USO1: variants seen among roughly 807,000 people sequenced by gnomAD.
USO1 encodes the protein USO1 vesicle transport factor, also known as general vesicular transport factor p115.
A neutral mutation model predicts 124.5 loss-of-function variants in USO1; 57 were observed. That is an observed-to-expected ratio of 0.46 (90% CI 0.37 to 0.57). The LOEUF is 0.57. Among genes scored for constraint, USO1 ranks in the 20% least tolerant of loss-of-function variants. The pLI, the probability that USO1 is intolerant of heterozygous loss-of-function variation, is 0.00. For missense variants in USO1, 900 were observed against 1,040.6 expected (o/e 0.86, Z 1.86); for synonymous variants, 369 against 362.8 (o/e 1.02, Z -0.19).
chr4:75,751,212 T>G (rs1721290042), intron 1 of USO1, among the ~76,000 whole-genome samples: 1 of 150,428 alleles, frequency 6.6e-6, no homozygotes, highest in African/African-American at 2.4e-5. Context: ...TATTTTATTT[T>G]TATTTATTTA....
At position 75,813,574 on chromosome 4, in the gene USO1, T is replaced by C. The variant is rs13131442; in HGVS notation, c.*279T>C. 4,316 of 233,680 alleles carry C rather than the reference T, an allele frequency of 0.018. 51 individuals carry two copies. Among genetic ancestry groups the C allele is most frequent in the Non-Finnish European group, 0.026 (3,251 of 122,974 alleles). The allele number at this position is 233,680 out of a possible 1,614,324, so 14.5% of individuals were successfully genotyped here. ...CAAAAATATACCATTTTAAGGCATG[T>C]GGTGACAATGCTATTTGCCTTAGTT... On this transcript the variant is annotated 3_prime_UTR_variant, in exon 24 of 24. Transcript: ENST00000514213.
chr4:75,812,972 G>A (rs1009625315), intron 23 of USO1, among the ~76,000 whole-genome samples: 2 of 151,974 alleles, frequency 1.3e-5, no homozygotes, highest in African/African-American at 4.8e-5. Flanking sequence ...TTAGCAGGGC[G>A]CTTGGTGGCA....
rs1723117049 is a variant in USO1 at position 75,810,523 on chromosome 4, A to T, written c.2567A>T (p.Glu856Val). The part of the protein sequence containing the change: ...VEGRLSALLQ[E>V]TKELKNEIKA... ...GGAAGACTGTCAGCATTATTACAAGAGACCAAAGAGTTAAAGGTTTGTTTT... is the reference window on the plus strand; with the variant it reads ...GGAAGACTGTCAGCATTATTACAAGTGACCAAAGAGTTAAAGGTTTGTTTT... The change falls in exon 22 of 24, where the codon GAG becomes GTG. Residue 856 changes from glutamate (E) to valine (V), a missense_variant. Transcript: ENST00000514213. 6.2e-7 allele frequency: 1 copy of T among 1,611,430 alleles called. No individual in the cohort carries two copies. The highest frequency in any genetic ancestry group is 8.5e-7 in the Non-Finnish European group (1 of 1,179,048).
chr4:75,794,314 G>C (rs1177744102), intron 13 of USO1, among the ~76,000 whole-genome samples: 1 of 152,092 alleles, frequency 6.6e-6, no homozygotes, highest in African/African-American at 2.4e-5. Flanking sequence ...AGAAACAATG[G>C]AACAGTGGTC....
chr4:75,774,071 G>A (rs558366271), intron 7 of USO1, among the ~76,000 whole-genome samples: 1 of 152,264 alleles, frequency 6.6e-6, no homozygotes, highest in Non-Finnish European at 1.5e-5. Context: ...ACTGTATCCA[G>A]CTTACCAGGA....
intron 4 of USO1, among the ~76,000 whole-genome samples, chr4:75,769,218 A>T (rs1006522659): frequency 3.3e-5 from 5 of 152,184 alleles, no homozygotes; most frequent in East Asian, 1.9e-4. Context: ...ACTCACTGAC[A>T]GTGTGTTCTC....
rs1720339191 is a variant in USO1, at chr4:75,724,742, C to T, written c.-78C>T. 18 of 1,503,848 alleles carry T rather than the reference C, an allele frequency of 1.2e-5. No homozygotes were observed. The highest frequency in any genetic ancestry group is 1.8e-5 in the Admixed American group (1 of 55,590). 93.2% of individuals were successfully genotyped at this position (1,503,848 alleles called of 1,614,324 possible). A position where few individuals can be genotyped will look rare whatever the true frequency, so the allele number is the denominator to read the frequency against. On this transcript the variant is annotated 5_prime_UTR_variant, in exon 1 of 24. Coordinates refer to ENST00000514213, the MANE Select transcript of USO1 (RefSeq NM_003715.4). Reference sequence around the variant, plus strand: ...GTGTGTAGAGTGCGGGATTGGGGCCCAGGCCCTGCGGAGGGCGGGGGAAGT... The same window carrying T: ...GTGTGTAGAGTGCGGGATTGGGGCCTAGGCCCTGCGGAGGGCGGGGGAAGT...
rs186454621 is a variant in USO1 at position 75,730,625 on chromosome 4, C to A, written c.66+5740C>A. Among the ~76,000 whole-genome samples the A allele has an allele frequency of 6.6e-5, 10 of 152,152 alleles. No individual in the cohort carries two copies. In the East Asian group the frequency reaches 1.9e-3, roughly 29 times the overall value. On this transcript the variant is annotated intron_variant, in intron 1 of 23. Coordinates refer to ENST00000514213, the MANE Select transcript of USO1 (RefSeq NM_003715.4). ...AAAGAATATTAGAATTCCTTATATA[C>A]ATTTGTTGATACCAAATACTGTTCC...
At chr4:75,739,600 G>A in intron 1 of USO1, among the ~76,000 whole-genome samples, 1 of 147,306 alleles carries the variant, frequency 6.8e-6, no homozygotes, top group Non-Finnish European at 1.5e-5. Flanking sequence ...GAGTGCAGTG[G>A]CGTGATCTCG....
At position 75,757,514 on chromosome 4, in the gene USO1, T is replaced by C; in HGVS notation, c.236T>C (p.Ile79Thr). ...LQTDRSDSEI[I>T]GYALDTLYNI... ...TTTTCCAGTTCAGATTCTGAAATAA[T>C]AGGTTATGCTTTGGACACACTATAT... Residue 79 changes from isoleucine (I) to threonine (T), a missense_variant, in exon 4 of 24, where the codon ATA (isoleucine) becomes ACA (threonine). By Grantham distance (89) the Ile-to-Thr change is moderately conservative (BLOSUM62 -1). Transcript: ENST00000514213. 3 of 1,513,290 alleles carry C rather than the reference T, an allele frequency of 2.0e-6. No individual in the cohort carries two copies. Among genetic ancestry groups the C allele is most frequent in the Non-Finnish European group, 8.9e-7 (1 of 1,129,306 alleles). 93.7% of individuals were successfully genotyped at this position (1,513,290 alleles called of 1,614,324 possible).
chr4:75,790,597 T>G, intron 11 of USO1, 46 bp from the exon 12 acceptor site: 1 of 1,573,540 alleles, frequency 6.4e-7, no homozygotes, highest in Non-Finnish European at 8.6e-7. Context: ...CTTGTATACT[T>G]GGGTTGCAAT....
At chr4:75,804,309 G>A in intron 18 of USO1, 37 bp downstream of exon 18, 1 of 1,584,094 alleles carries the variant, frequency 6.3e-7, no homozygotes, top group Non-Finnish European at 8.6e-7. Context: ...ATAGCACTCA[G>A]GTCATTCTTT....
chr4:75,754,168 T>C (rs141566626), intron 3 of USO1, among the ~76,000 whole-genome samples: 134,714 of 151,376 alleles, frequency 0.89, 60,225 homozygotes, highest in East Asian at 1. Flanking sequence ...CTGCAGCCTC[T>C]GCCTCCTGGG....
intron 4 of USO1, among the ~76,000 whole-genome samples, chr4:75,769,918 T>C (rs1721873460): frequency 6.6e-6 from 1 of 152,122 alleles, no homozygotes; most frequent in Non-Finnish European, 1.5e-5. Context: ...TACTGAGAAA[T>C]CTGGAGTAGA....
Position 75,724,886 on chromosome 4 carries a change from G to A in USO1, c.66+1G>A, listed in dbSNP as rs1720350881. ...ACCCCAGCACACAGAAGCCGAGACG[G>A]TGAGAGGAGCAGCGGGTCTGGGACT... is the stretch of plus-strand genomic sequence containing the variant. On this transcript the variant is annotated splice_donor_variant, in intron 1 of 23. Transcript: ENST00000514213. LOFTEE classifies it high-confidence loss of function. The A allele has an allele frequency of 6.2e-7, 1 of 1,613,222 alleles. No individual in the cohort carries two copies. The highest frequency in any genetic ancestry group is 8.5e-7 in the Non-Finnish European group (1 of 1,179,486).
intron 4 of USO1, among the ~76,000 whole-genome samples, chr4:75,767,145 A>G (rs1468667258): frequency 1.3e-5 from 2 of 152,042 alleles, no homozygotes; most frequent in Non-Finnish European, 2.9e-5. Context: ...ACCTCTTAAT[A>G]TTAGAATGCC....
chr4:75,750,335 G>A (rs1721267841), intron 1 of USO1, among the ~76,000 whole-genome samples: 1 of 152,038 alleles, frequency 6.6e-6, no homozygotes, highest in Non-Finnish European at 1.5e-5. Context: ...CTACTCGAGA[G>A]GCTGAGGTGG....
intron 13 of USO1, chr4:75,795,396 T>G: frequency 1.4e-6 from 1 of 700,358 alleles, no homozygotes; most frequent in Middle Eastern, 2.3e-4. Flanking sequence ...TTTCCTCTTA[T>G]AGCAAAGCTT....
intron 13 of USO1, among the ~76,000 whole-genome samples, chr4:75,796,860 T>C (rs1445650984): frequency 7.1e-6 from 1 of 141,282 alleles, no homozygotes; most frequent in Non-Finnish European, 1.6e-5. Context: ...CCCTTGTTTT[T>C]AATATGAGTT....
Sources: gnomAD v4.1 joint callset for allele counts (sites outside exome capture counted in the v4.1 genomes callset) on GRCh38, gnomAD v4.1.1 for gene constraint, MANE v1.5 for transcripts, NCBI Gene and HGNC (gene_info 2026-07-23, HGNC 2026-07-21) for gene names.